Variants in FHIP2B observed in about 807,000 individuals in gnomAD.
FHIP2B encodes the protein FHF complex subunit HOOK interacting protein 2B.
In FHIP2B, 72 loss-of-function variants were observed where a neutral mutation model predicts 84.0. That is an observed-to-expected ratio of 0.86 (90% CI 0.71 to 1.04). The LOEUF (loss-of-function observed/expected upper bound fraction) is 1.04, where lower values mean the gene tolerates loss of function less well. Ranked by LOEUF, FHIP2B falls within the 50% of genes least tolerant of loss-of-function variation. The probability of loss-of-function intolerance (pLI) is 0.00; values close to 1 mark genes in which losing one functional copy is unlikely to be tolerated. For missense variants in FHIP2B, 972 were observed against 968.9 expected (o/e 1.00, Z -0.04); for synonymous variants, 497 against 418.7 (o/e 1.19, Z -2.28).
chr8:22,101,734 C>G lies in FHIP2B; in HGVS notation c.1734C>G (p.Ala578=). The change falls in exon 14 of 17, where the codon GCC becomes GCG. Residue 578 remains alanine (A), a synonymous_variant. Coordinates refer to ENST00000289921, the MANE Select transcript of FHIP2B (RefSeq NM_022749.7). ...TCCAGGAGTGCAGCTCCCGCGTCGCCTCCTGGGGCTGGCCTCTGACCCCCA... is the reference window on the plus strand; with the variant it reads ...TCCAGGAGTGCAGCTCCCGCGTCGCGTCCTGGGGCTGGCCTCTGACCCCCA... The part of the protein sequence containing the change: ...GLFQECSSRV[A]SWGWPLTPTP... 1 of 1,612,964 alleles carries G rather than the reference C, an allele frequency of 6.2e-7. No individual in the cohort carries two copies. The highest frequency in any genetic ancestry group is 1.1e-5 in the South Asian group (1 of 90,890).
chr8:22,097,554 C>G lies in FHIP2B; in HGVS notation c.336C>G (p.Phe112Leu). 6.2e-7 allele frequency: 1 copy of G among 1,610,214 alleles called. No homozygotes were observed. Among genetic ancestry groups the G allele is most frequent in the Non-Finnish European group, 8.5e-7 (1 of 1,178,618 alleles). Residue 112 changes from phenylalanine (F) to leucine (L), a missense_variant, in exon 4 of 17, where the codon TTC becomes TTG. Physicochemically the swap from Phe to Leu is conservative, Grantham distance 22. Transcript: ENST00000289921. The stretch of plus-strand genomic sequence containing the variant: ...TGCGGCAGCAGGTGTTCCAGTTCTT[C>G]AGCAAGGTTCTGGCGCAGGTGCAGC... ...PGMRQQVFQFFSKVLAQVQHP... is the reference protein window; with the variant it reads ...PGMRQQVFQFLSKVLAQVQHP...
chr8:22,102,883 A>G lies in FHIP2B; in HGVS notation c.2184A>G (p.Pro728=). ...CCATTGCCTTCGTCAAGTTTCCCCC[A>G]CATGATCCTCGCCAGAACGTCTCCC... ...LAAIAFVKFP[P]HDPRQNVSPA... Residue 728 remains proline, a synonymous_variant, in exon 17 of 17, where the codon CCA becomes CCG. Coordinates refer to ENST00000289921, the MANE Select transcript of FHIP2B (RefSeq NM_022749.7). 1.2e-6 allele frequency: 2 copies of G among 1,613,630 alleles called. No individual in the cohort carries two copies. Among genetic ancestry groups the G allele is most frequent in the Non-Finnish European group, 1.7e-6 (2 of 1,179,810 alleles).
chr8:22,096,888 A>G (rs1215286664), intron 3 of FHIP2B: 1 of 183,658 alleles, frequency 5.4e-6, no homozygotes, highest in Non-Finnish European at 1.1e-5. Context: ...AGGGATTCAT[A>G]CTGACAAGAG....
At chr8:22,099,415 C>T in intron 9 of FHIP2B, 55 bp downstream of exon 9, 1 of 1,563,858 alleles carries the variant, frequency 6.4e-7, no homozygotes. Context: ...CCACCTACCC[C>T]ACCCAGCCTC....
At position 22,100,596 on chromosome 8, in the gene FHIP2B, C is replaced by A. The variant is rs747773153; in HGVS notation, c.1344C>A (p.Ile448=). ...TGCCGACCCCCTTCCTGCTCCAGAT[C>A]AGCATCACCACACTCCGGCTGTTTG... The part of the protein sequence containing the change: ...IGHCDHLSDE[I]SITTLRLFEE... The change falls in exon 11 of 17, where the codon ATC becomes ATA. Residue 448 remains isoleucine, a splice_region_variant and synonymous_variant. Coordinates refer to ENST00000289921, the MANE Select transcript of FHIP2B (RefSeq NM_022749.7). The A allele has an allele frequency of 6.5e-7, 1 of 1,544,502 alleles. No homozygotes were observed. Among genetic ancestry groups the A allele is most frequent in the East Asian group, 2.3e-5 (1 of 43,962 alleles).
intron 5 of FHIP2B, 63 bp downstream of exon 5, chr8:22,097,902 C>T: frequency 6.3e-7 from 1 of 1,590,528 alleles, no homozygotes; most frequent in East Asian, 2.3e-5. Context: ...GCCCCCTCTG[C>T]CCTCCTGAGG....
rs945423240 is a variant in FHIP2B at position 22,103,762 on chromosome 8, C to T, written c.*831C>T. 1.3e-5 allele frequency: 2 copies of T among 152,394 alleles called. No individual in the cohort carries two copies. The highest frequency in any genetic ancestry group is 2.9e-5 in the Non-Finnish European group (2 of 68,108). The allele number at this position is 152,394 out of a possible 1,614,324, so 9.4% of individuals were successfully genotyped here. A position where few individuals can be genotyped will look rare whatever the true frequency, so the allele number is the denominator to read the frequency against. On this transcript the variant is annotated 3_prime_UTR_variant, in exon 17 of 17. Transcript: ENST00000289921. The stretch of plus-strand genomic sequence containing the variant: ...AGGGCCCAGTGTTCTTGATAGAAGA[C>T]CCTTCTGGGGAGCCAGGGAGCTCAG...
At chr8:22,100,351 C>T (rs535650245) in intron 10 of FHIP2B, 37 of 442,702 alleles carry the variant, frequency 8.4e-5, no homozygotes, top group African/African-American at 4.7e-4. Context: ...AAGTAAGGCA[C>T]GGAGAAGCGA....
intron 3 of FHIP2B, 100 bp downstream of exon 3, chr8:22,096,609 G>T: frequency 7.2e-7 from 1 of 1,395,310 alleles, no homozygotes; most frequent in African/African-American, 1.5e-5. Context: ...GCCAGGCCGA[G>T]GTGGGAGACC....
chr8:22,100,860 C>T lies in FHIP2B; in HGVS notation c.1504C>T (p.Pro502Ser). The T allele has an allele frequency of 1.2e-6, 2 of 1,613,876 alleles. No homozygotes were observed. Among genetic ancestry groups the T allele is most frequent in the Non-Finnish European group, 8.5e-7 (1 of 1,179,894 alleles). The part of the protein sequence containing the change: ...YEDTLDLEED[P>S]YFTDSFLDSG... ...TGGCCACAGAGACCTGGAGGAAGAC[C>T]CCTACTTCACCGACAGCTTCCTGGA... Residue 502 changes from proline (P) to serine (S), a missense_variant, in exon 12 of 17, where the codon CCC becomes TCC. By Grantham distance (74) the Pro-to-Ser change is moderately conservative. Transcript: ENST00000289921.
intron 1 of FHIP2B, among the ~76,000 whole-genome samples, chr8:22,093,320 T>TGTG (rs2131687863): frequency 6.7e-6 from 1 of 150,342 alleles, no homozygotes; most frequent in Admixed American, 6.7e-5. Flanking sequence ...GGAATGGTGT[T>TGTG]GTTGTTGTTG....
chr8:22,094,366 T>C lies in FHIP2B; in HGVS notation c.46-74T>C, dbSNP rs1439003005. On this transcript the variant is annotated intron_variant, in intron 1 of 16. Coordinates refer to ENST00000289921, the MANE Select transcript of FHIP2B (RefSeq NM_022749.7). Reference sequence around the variant, plus strand: ...CCTAGCATGAACCTGACACTCAGAATATCTGTTCCCATGCGGGCAGGGGCT... The same window carrying C: ...CCTAGCATGAACCTGACACTCAGAACATCTGTTCCCATGCGGGCAGGGGCT... 4.8e-6 allele frequency: 7 copies of C among 1,451,690 alleles called. No individual in the cohort carries two copies. The Admixed American group carries it at 1.7e-4, about 35-fold the overall frequency. 89.9% of individuals were successfully genotyped at this position (1,451,690 alleles called of 1,614,324 possible). A position where few individuals can be genotyped will look rare whatever the true frequency, so the allele number is the denominator to read the frequency against.
At position 22,098,619 on chromosome 8, in the gene FHIP2B, G is replaced by A. The variant is rs1002325765; in HGVS notation, c.965G>A (p.Arg322Lys). 2.4e-5 allele frequency: 38 copies of A among 1,556,422 alleles called. No homozygotes were observed. Among genetic ancestry groups the A allele is most frequent in the Non-Finnish European group, 3.1e-5 (35 of 1,146,882 alleles). ...DIATLEGISW[R>K]LPSAPSDEAS... ...GCCACCTTAGAGGGCATCAGCTGGAGGTGGGTGCCCAGCCCGGGAAGGCCG... is the reference window on the plus strand; with the variant it reads ...GCCACCTTAGAGGGCATCAGCTGGAAGTGGGTGCCCAGCCCGGGAAGGCCG... Residue 322 changes from arginine (R) to lysine (K), a missense_variant and splice_region_variant, in exon 7 of 17, where the codon AGG (arginine) becomes AAG (lysine). Coordinates refer to ENST00000289921, the MANE Select transcript of FHIP2B (RefSeq NM_022749.7).
chr8:22,099,150 G>A (rs1350013950), intron 8 of FHIP2B, 94 bp downstream of exon 8: 6 of 1,493,734 alleles, frequency 4.0e-6, no homozygotes, highest in Non-Finnish European at 3.7e-6. Flanking sequence ...GGAAACATGG[G>A]GTCCAGGAGC....
At position 22,103,027 on chromosome 8, in the gene FHIP2B, G is replaced by A. The variant is rs1826215441; in HGVS notation, c.*96G>A. The A allele has an allele frequency of 2.8e-5, 40 of 1,451,104 alleles. No individual in the cohort carries two copies. In the Middle Eastern group the frequency reaches 5.4e-4, roughly 19 times the overall value. The allele number at this position is 1,451,104 out of a possible 1,614,324, so 89.9% of individuals were successfully genotyped here. On this transcript the variant is annotated 3_prime_UTR_variant, in exon 17 of 17. Coordinates refer to ENST00000289921, the MANE Select transcript of FHIP2B (RefSeq NM_022749.7). ...CGCCACACTCCCCTCCTGGGATGGG[G>A]CTTCTGCTCCCGGGCTCACTCAAGG...
Position 22,103,119 on chromosome 8 carries a change from C to T in FHIP2B, c.*188C>T. 1.3e-6 allele frequency: 1 copy of T among 757,420 alleles called. No individual in the cohort carries two copies. Among genetic ancestry groups the T allele is most frequent in the South Asian group, 1.9e-5 (1 of 52,504 alleles). The allele number at this position is 757,420 out of a possible 1,614,324, so 46.9% of individuals were successfully genotyped here. A position where few individuals can be genotyped will look rare whatever the true frequency, so the allele number is the denominator to read the frequency against. ...ATGGGCATGCCAGGTGCCAAGGAGC[C>T]AAACAGATGGCTTTCCAGGCAGCAA... On this transcript the variant is annotated 3_prime_UTR_variant, in exon 17 of 17. Coordinates refer to ENST00000289921, the MANE Select transcript of FHIP2B (RefSeq NM_022749.7).
Position 22,099,706 on chromosome 8 carries a change from C to G in FHIP2B, c.1154C>G (p.Ser385Cys). ...GCTAAGGTGCCCTCTTCCCGTAGGT[C>G]CGAGCAGAGCATCTTGACCTCCACC... Reference protein sequence around the residue: ...ETLQPQLLHVSEQSILTSTAL... With the variant: ...ETLQPQLLHVCEQSILTSTAL... Residue 385 changes from serine (S) to cysteine (C), a missense_variant and splice_region_variant, in exon 10 of 17, where the codon TCC becomes TGC. Ser to Cys is a moderately radical substitution (Grantham distance 112, BLOSUM62 -1). Coordinates refer to ENST00000289921, the MANE Select transcript of FHIP2B (RefSeq NM_022749.7). 1 of 1,581,316 alleles carries G rather than the reference C, an allele frequency of 6.3e-7. No individual in the cohort carries two copies. Among genetic ancestry groups the G allele is most frequent in the Non-Finnish European group, 8.6e-7 (1 of 1,167,732 alleles).
At position 22,096,353 on chromosome 8, in the gene FHIP2B, C is replaced by G. The variant is rs1563592561; in HGVS notation, c.141C>G (p.Ala47=). 1.9e-6 allele frequency: 3 copies of G among 1,559,894 alleles called. No homozygotes were observed. The highest frequency in any genetic ancestry group is 1.4e-5 in the African/African-American group (1 of 73,626). Residue 47 remains alanine, a synonymous_variant, in exon 3 of 17, where the codon GCC becomes GCG. Coordinates refer to ENST00000289921, the MANE Select transcript of FHIP2B (RefSeq NM_022749.7). The stretch of plus-strand genomic sequence containing the variant: ...CATCATTAGATGAAAGCACCCCCGC[C>G]AAGAAGACAGACATTCCCTGGCGGC... ...YIESTDESTP[A]KKTDIPWRLK...
chr8:22,092,760 A>G (rs1825562204), intron 1 of FHIP2B, among the ~76,000 whole-genome samples: 1 of 152,098 alleles, frequency 6.6e-6, no homozygotes. Flanking sequence ...TCTCTTGTTG[A>G]TATTGACCTG....
Sources: allele counts gnomAD v4.1 joint callset (sites outside exome capture counted in the v4.1 genomes callset), GRCh38; gene constraint gnomAD v4.1.1; transcripts MANE v1.5; gene names NCBI Gene and HGNC (gene_info 2026-07-23, HGNC 2026-07-21).